The following GATAD2B variants were observed in gnomAD, a reference collection of about 807,000 sequenced individuals.
GATAD2B encodes the protein GATA zinc finger domain containing 2B, also known as transcriptional repressor p66-beta.
GATAD2B carries 8 observed loss-of-function variants against 64.3 expected under a neutral mutation model. The ratio of observed to expected loss-of-function variants is 0.12; its 90% CI spans 0.07 to 0.22. The LOEUF is 0.22. GATAD2B is among the 10% of genes least tolerant of loss of function. The probability of loss-of-function intolerance (pLI) is 1.00; values close to 1 mark genes in which losing one functional copy is unlikely to be tolerated. For synonymous variants in GATAD2B, 281 were observed against 271.3 expected, an observed-to-expected ratio of 1.04 and a Z score of -0.35; for missense variants, 453 against 752.0, an observed-to-expected ratio of 0.60 and a Z score of 4.65.
At chr1:153,821,710 C>G (rs1408891186) in intron 2 of GATAD2B, among the ~76,000 whole-genome samples, 1 of 151,848 alleles carries the variant, frequency 6.6e-6, no homozygotes, top group African/African-American at 2.4e-5. Flanking sequence ...ATTACAGGTA[C>G]CCGGCACCGC....
At chr1:153,892,058 G>C (rs1357883658) in intron 1 of GATAD2B, among the ~76,000 whole-genome samples, 1 of 151,508 alleles carries the variant, frequency 6.6e-6, no homozygotes, top group East Asian at 1.9e-4. Flanking sequence ...CCAGCTACTC[G>C]GGAGGCTGAG....
chr1:153,863,370 C>T (rs921927080), intron 1 of GATAD2B, among the ~76,000 whole-genome samples: 2 of 151,770 alleles, frequency 1.3e-5, no homozygotes, highest in African/African-American at 4.8e-5. Context: ...GTGGTGCATG[C>T]CTGTAATCCA....
intron 1 of GATAD2B, among the ~76,000 whole-genome samples, chr1:153,902,269 G>A (rs1329319098): frequency 3.3e-5 from 5 of 150,768 alleles, no homozygotes; most frequent in African/African-American, 1.2e-4. Context: ...CAACAAGAGC[G>A]AAACTCCATC....
intron 1 of GATAD2B, among the ~76,000 whole-genome samples, chr1:153,912,954 G>A (rs943120198): frequency 6.6e-6 from 1 of 152,008 alleles, no homozygotes; most frequent in South Asian, 2.1e-4. Flanking sequence ...TTAGCCAGGC[G>A]TGGTGGAGGG....
intron 1 of GATAD2B, among the ~76,000 whole-genome samples, chr1:153,847,960 C>A (rs1396723924): frequency 1.3e-5 from 2 of 152,178 alleles, no homozygotes; most frequent in African/African-American, 4.8e-5. Context: ...ATCTGAGTAA[C>A]TGTAAAACAA....
intron 1 of GATAD2B, among the ~76,000 whole-genome samples, chr1:153,916,032 T>G (rs1025426478): frequency 6.6e-6 from 1 of 151,908 alleles, no homozygotes; most frequent in African/African-American, 2.4e-5. Flanking sequence ...GTAATCCCAG[T>G]ACTTTGGGAG....
chr1:153,880,751 G>A (rs905524080), intron 1 of GATAD2B, among the ~76,000 whole-genome samples: 16 of 151,680 alleles, frequency 1.1e-4, no homozygotes, highest in African/African-American at 2.7e-4. Context: ...GGCTGAGTTG[G>A]GAGGATAGCT....
chr1:153,911,652 C>T (rs188883765), intron 1 of GATAD2B, among the ~76,000 whole-genome samples: 35 of 152,224 alleles, frequency 2.3e-4, no homozygotes, highest in Non-Finnish European at 5.0e-4. Flanking sequence ...AGGAGATTCA[C>T]TTGAACTCGG....
At position 153,813,324 on chromosome 1, in the gene GATAD2B, G is replaced by T; in HGVS notation, c.1345C>A (p.Gln449Lys). The T allele has an allele frequency of 6.2e-7, 1 of 1,614,048 alleles. No individual in the cohort carries two copies. The highest frequency in any genetic ancestry group is 8.5e-7 in the Non-Finnish European group (1 of 1,179,938). ...TGTTCAGCTTTTAGAGCCTTTTTCT[G>T]GTTGGAGGTCATACACTGCTCACAT... is the stretch of plus-strand genomic sequence containing the variant. ...ILCEQCMTSN[Q>K]KKALKAEHTN... Residue 449 changes from glutamine (Q) to lysine (K), a missense_variant, in exon 8 of 11, where the codon CAG becomes AAG. Physicochemically the swap from Gln to Lys is moderately conservative, Grantham distance 53 (BLOSUM62 1). Transcript: ENST00000368655.
chr1:153,874,141 A>C (rs1051847659), intron 1 of GATAD2B, among the ~76,000 whole-genome samples: 1 of 151,920 alleles, frequency 6.6e-6, no homozygotes, highest in Admixed American at 6.6e-5. Flanking sequence ...GTGTGCCTGT[A>C]GTCCCAGCTA....
At chr1:153,829,822 G>C (rs1041238220) in intron 1 of GATAD2B, among the ~76,000 whole-genome samples, 1 of 151,940 alleles carries the variant, frequency 6.6e-6, no homozygotes, top group Non-Finnish European at 1.5e-5. Context: ...AACAGGGGCC[G>C]GGTGCAGTGG....
chr1:153,880,326 G>A (rs1259432559), intron 1 of GATAD2B, among the ~76,000 whole-genome samples: 1 of 151,932 alleles, frequency 6.6e-6, no homozygotes, highest in African/African-American at 2.4e-5. Flanking sequence ...AATTAGCCGG[G>A]TGTGGTGGTG....
intron 1 of GATAD2B, among the ~76,000 whole-genome samples, chr1:153,908,437 T>C (rs1678013279): frequency 6.6e-6 from 1 of 151,860 alleles, no homozygotes; most frequent in African/African-American, 2.4e-5. Flanking sequence ...AACTAAACGG[T>C]GGAGCAGAAA....
intron 1 of GATAD2B, among the ~76,000 whole-genome samples, chr1:153,901,774 C>T (rs1160045334): frequency 6.8e-6 from 1 of 146,586 alleles, no homozygotes; most frequent in Non-Finnish European, 1.5e-5. Context: ...CAGTGAGCCA[C>T]GATCGTGCCA....
At chr1:153,828,491 CAA>C (rs1491183252) in intron 1 of GATAD2B, 143 bp from the exon 2 acceptor site, 11 of 591,242 alleles carry the variant, frequency 1.9e-5, no homozygotes, top group Non-Finnish European at 2.7e-5. Flanking sequence ...CACACACACA[CAA>C]AGTTCAAAGT....
Position 153,844,786 on chromosome 1 carries a change from T to C in GATAD2B, c.-1-16438A>G, listed in dbSNP as rs558881888. On this transcript the variant is annotated intron_variant, in intron 1 of 10. Coordinates refer to ENST00000368655, the MANE Select transcript of GATAD2B (RefSeq NM_020699.4). Reference sequence around the variant, plus strand: ...GTGGGGTGGGGGGAGGGGGGAGGGATAGCATTGGGAGATATACCTAAGGCT... The same window carrying C: ...GTGGGGTGGGGGGAGGGGGGAGGGACAGCATTGGGAGATATACCTAAGGCT... Among the ~76,000 whole-genome samples the C allele has an allele frequency of 2.9e-5, 4 of 135,840 alleles. No individual in the cohort carries two copies. In the East Asian group the frequency reaches 1.0e-3, roughly 35 times the overall value. The allele number at this position is 135,840 out of a possible 152,430, so 89.1% of individuals were successfully genotyped here.
At chr1:153,899,213 T>G (rs930534662) in intron 1 of GATAD2B, among the ~76,000 whole-genome samples, 2 of 152,142 alleles carry the variant, frequency 1.3e-5, no homozygotes, top group Non-Finnish European at 2.9e-5. Context: ...TGCCTGTGAA[T>G]AGCCACTGCA....
rs1674242969 is a variant in GATAD2B, at chr1:153,810,104, G to A, written c.*73C>T. ...AGGCACCAGTACAGGCACTGCATGC[G>A]ACAGAAGTTGGGGGAATGAAAGAGG... On this transcript the variant is annotated 3_prime_UTR_variant, in exon 11 of 11. Coordinates refer to ENST00000368655, the MANE Select transcript of GATAD2B (RefSeq NM_020699.4). The A allele has an allele frequency of 4.0e-5, 58 of 1,451,480 alleles. No homozygotes were observed. Among genetic ancestry groups the A allele is most frequent in the Non-Finnish European group, 5.3e-5 (56 of 1,059,752 alleles). The allele number at this position is 1,451,480 out of a possible 1,614,324, so 89.9% of individuals were successfully genotyped here.
At chr1:153,853,448 T>A (rs1675977941) in intron 1 of GATAD2B, 3 of 564,820 alleles carry the variant, frequency 5.3e-6, no homozygotes, top group African/African-American at 1.9e-5. Flanking sequence ...CGGACGGCAG[T>A]GAAGCGCCTA....
Sources: gnomAD v4.1 joint callset for allele counts (sites outside exome capture counted in the v4.1 genomes callset) on GRCh38, gnomAD v4.1.1 for gene constraint, MANE v1.5 for transcripts, NCBI Gene and HGNC (gene_info 2026-07-23, HGNC 2026-07-21) for gene names.